The following SLC26A7 variants were observed in gnomAD, a reference collection of about 807,000 sequenced individuals.
The protein encoded by SLC26A7 is anion exchange transporter.
Under a neutral mutation model 82.5 loss-of-function variants are expected in SLC26A7, and 59 were observed. The observed-to-expected ratio is 0.72, with a 90% CI of 0.58 to 0.89. The LOEUF (loss-of-function observed/expected upper bound fraction) is 0.89. Ranked by LOEUF, SLC26A7 falls within the 40% of genes least tolerant of loss-of-function variation. The pLI is 0.00. For synonymous variants in SLC26A7, 271 were observed against 274.3 expected, an observed-to-expected ratio of 0.99 and a Z score of 0.12; for missense variants, 820 against 793.0, an observed-to-expected ratio of 1.03 and a Z score of -0.41.
chr8:91,218,990 C>T, exon 2 of SLC26A7: 1 of 1,545,812 alleles, frequency 6.5e-7, no homozygotes, highest in Non-Finnish European at 8.8e-7. Context: ...TTTGGAATTG[C>T]TCAGGTGTAG....
chr8:91,227,860 A>G (rs1810258316), intron 2 of SLC26A7, among the ~76,000 whole-genome samples: 1 of 152,220 alleles, frequency 6.6e-6, no homozygotes. Context: ...TTCATAAAAT[A>G]TCTCTGCATG....
intron 16 of SLC26A7, 93 bp from the exon 17 acceptor site, chr8:91,393,704 T>G: frequency 7.2e-7 from 1 of 1,380,200 alleles, no homozygotes. Flanking sequence ...AACATCGGCT[T>G]TAAAGAAAGT....
intron 16 of SLC26A7, 99 bp from the exon 17 acceptor site, chr8:91,393,698 T>A: frequency 7.7e-7 from 1 of 1,306,058 alleles, no homozygotes. Context: ...TTCGTAAACA[T>A]CGGCTTTAAA....
intron 1 of SLC26A7, among the ~76,000 whole-genome samples, chr8:91,213,803 A>G (rs1288952723): frequency 5.3e-5 from 8 of 152,146 alleles, no homozygotes; most frequent in Admixed American, 5.2e-4. Context: ...TTAGGAGAAG[A>G]GAATGGTAAG....
chr8:91,351,506 TAAAC>T (rs1813714308), intron 9 of SLC26A7, among the ~76,000 whole-genome samples: 1 of 152,148 alleles, frequency 6.6e-6, no homozygotes, highest in East Asian at 1.9e-4. Flanking sequence ...CTTTCACTAT[TAAAC>T]AAAAAAGCCA....
chr8:91,259,834 A>G (rs1810913250), intron 2 of SLC26A7, among the ~76,000 whole-genome samples: 1 of 152,112 alleles, frequency 6.6e-6, no homozygotes, highest in Non-Finnish European at 1.5e-5. Flanking sequence ...AAGAATACTC[A>G]TGTCCAATCT....
At chr8:91,324,540 A>C (rs143432649) in intron 5 of SLC26A7, among the ~76,000 whole-genome samples, 3 of 152,378 alleles carry the variant, frequency 2.0e-5, no homozygotes, top group African/African-American at 7.2e-5. Context: ...AGAGATAAAC[A>C]TGCATCCTTG....
chr8:91,378,433 A>G (rs1380793064), intron 15 of SLC26A7, among the ~76,000 whole-genome samples: 2 of 147,128 alleles, frequency 1.4e-5, no homozygotes, highest in African/African-American at 2.5e-5. Flanking sequence ...TATATTATAT[A>G]TAATATAAAG....
chr8:91,363,631 T>G, intron 13 of SLC26A7, 93 bp downstream of exon 13: 3 of 682,092 alleles, frequency 4.4e-6, no homozygotes, highest in African/African-American at 1.9e-5. Flanking sequence ...TAAATTATGA[T>G]AGTTAAAAAT....
chr8:91,270,443 C>T (rs1811238270), intron 2 of SLC26A7, among the ~76,000 whole-genome samples: 1 of 152,168 alleles, frequency 6.6e-6, no homozygotes, highest in Admixed American at 6.5e-5. Context: ...CAGTGCTTTC[C>T]AGGCCTGGGA....
chr8:91,229,542 C>T (rs1810284699), intron 2 of SLC26A7, among the ~76,000 whole-genome samples: 1 of 152,150 alleles, frequency 6.6e-6, no homozygotes, highest in Non-Finnish European at 1.5e-5. Context: ...AGTCATCAGT[C>T]TATCTTATTT....
intron 3 of SLC26A7, among the ~76,000 whole-genome samples, chr8:91,292,293 G>A (rs1811893283): frequency 1.3e-5 from 2 of 148,696 alleles, no homozygotes; most frequent in South Asian, 2.1e-4. Context: ...GCGAGAGTGC[G>A]AGACTCTGTC....
chr8:91,349,210 T>C (rs1179472841), intron 9 of SLC26A7, among the ~76,000 whole-genome samples: 3 of 151,874 alleles, frequency 2.0e-5, no homozygotes, highest in Non-Finnish European at 4.4e-5. Flanking sequence ...TCAACAATGA[T>C]AAGGCAAGTG....
intron 4 of SLC26A7, among the ~76,000 whole-genome samples, chr8:91,317,680 T>G (rs1812676468): frequency 6.6e-6 from 1 of 152,136 alleles, no homozygotes; most frequent in African/African-American, 2.4e-5. Flanking sequence ...GGTTTTGAGG[T>G]TTTATGCCTA....
chr8:91,356,438 G>T (rs1180901401), intron 11 of SLC26A7, among the ~76,000 whole-genome samples: 1 of 151,972 alleles, frequency 6.6e-6, no homozygotes, highest in South Asian at 2.1e-4. Flanking sequence ...GTGTGAGATG[G>T]TATCTCATTG....
At chr8:91,303,347 G>A (rs906672691) in intron 4 of SLC26A7, among the ~76,000 whole-genome samples, 6 of 152,136 alleles carry the variant, frequency 3.9e-5, no homozygotes, top group African/African-American at 1.2e-4. Flanking sequence ...AGAGGGGTCT[G>A]GGATTGTCCC....
intron 2 of SLC26A7, among the ~76,000 whole-genome samples, chr8:91,241,615 GA>G (rs1018275255): frequency 2.6e-5 from 4 of 152,034 alleles, no homozygotes; most frequent in African/African-American, 9.7e-5. Context: ...TTTAAAAGTT[GA>G]GTTTTAATTT....
At chr8:91,363,361 T>A (rs1814102220) in intron 12 of SLC26A7, 111 bp from the exon 13 acceptor site, 1 of 602,956 alleles carries the variant, frequency 1.7e-6, no homozygotes, top group Non-Finnish European at 2.9e-6. Context: ...TTATAGGATA[T>A]AAATCATCTC....
chr8:91,382,068 T>C (rs28683647), intron 15 of SLC26A7, among the ~76,000 whole-genome samples: 35,094 of 152,012 alleles, frequency 0.23, 5,270 homozygotes, highest in African/African-American at 0.43. Context: ...TTCCTATGAG[T>C]CAAAGTAGCC....
Sources: allele counts gnomAD v4.1 joint callset (sites outside exome capture counted in the v4.1 genomes callset), GRCh38; gene constraint gnomAD v4.1.1; transcripts MANE v1.5; gene names NCBI Gene and HGNC (gene_info 2026-07-23, HGNC 2026-07-21).